The following DACH1 variants were observed in gnomAD, a reference collection of about 807,000 sequenced individuals.
DACH1 encodes dachshund homolog 1.
In DACH1, 12 loss-of-function variants were observed where a neutral mutation model predicts 54.2. That is an observed-to-expected ratio of 0.22 (90% CI 0.14 to 0.36). DACH1 has a LOEUF of 0.36. DACH1 is among the 10% of genes least tolerant of loss of function. DACH1 has a pLI of 1.00. For synonymous variants in DACH1, 386 were observed against 366.2 expected, an observed-to-expected ratio of 1.05 and a Z score of -0.62; for missense variants, 805 against 929.8, an observed-to-expected ratio of 0.87 and a Z score of 1.75.
At chr13:71,838,019 G>C (rs1326493597) in intron 1 of DACH1, among the ~76,000 whole-genome samples, 6 of 45,860 alleles carry the variant, frequency 1.3e-4, no homozygotes, top group African/African-American at 5.4e-4. Flanking sequence ...AGGGGGGAGG[G>C]GGGAGGGAAA....
At chr13:71,612,195 T>C (rs1037856588) in intron 3 of DACH1, among the ~76,000 whole-genome samples, 7 of 152,142 alleles carry the variant, frequency 4.6e-5, no homozygotes, top group African/African-American at 1.7e-4. Context: ...ACGCTGTATA[T>C]ATATTATGCT....
chr13:71,592,403 G>A (rs1471978278), intron 3 of DACH1, among the ~76,000 whole-genome samples: 30 of 149,018 alleles, frequency 2.0e-4, no homozygotes, highest in Non-Finnish European at 3.0e-5. Context: ...ATTGAGGTGG[G>A]AGGATCATTT....
chr13:71,773,660 TA>T (rs774658876), intron 1 of DACH1, among the ~76,000 whole-genome samples: 2 of 152,008 alleles, frequency 1.3e-5, no homozygotes, highest in Non-Finnish European at 2.9e-5. Flanking sequence ...GTTTCGACAA[TA>T]AAATCCCTTC....
chr13:71,514,323 T>C (rs1001214811), intron 6 of DACH1, among the ~76,000 whole-genome samples: 7 of 151,886 alleles, frequency 4.6e-5, no homozygotes, highest in African/African-American at 1.7e-4. Context: ...AATTCATTGC[T>C]ATAACATTTG....
intron 1 of DACH1, among the ~76,000 whole-genome samples, chr13:71,825,467 C>T (rs1052518884): frequency 6.6e-6 from 1 of 152,056 alleles, no homozygotes; most frequent in African/African-American, 2.4e-5. Context: ...TCACTTTCCA[C>T]CCCAATCCCT....
chr13:71,710,449 GTT>G (rs1204121483), intron 1 of DACH1, among the ~76,000 whole-genome samples: 3 of 113,480 alleles, frequency 2.6e-5, no homozygotes, highest in African/African-American at 6.8e-5. Context: ...AAATATGAGG[GTT>G]TTGTGTGTGT....
intron 1 of DACH1, chr13:71,704,427 T>G: frequency 5.2e-6 from 2 of 386,522 alleles, no homozygotes; most frequent in Admixed American, 3.0e-5. Flanking sequence ...GCAAGCTTCT[T>G]GCAAAGAGAA....
chr13:71,780,978 A>G (rs1015728916), intron 1 of DACH1, among the ~76,000 whole-genome samples: 9 of 152,184 alleles, frequency 5.9e-5, no homozygotes, highest in African/African-American at 2.2e-4. Context: ...TACAAAAAAT[A>G]AAAATAAATT....
chr13:71,840,857 G>A (rs555597318), intron 1 of DACH1, among the ~76,000 whole-genome samples: 1 of 152,216 alleles, frequency 6.6e-6, no homozygotes, highest in African/African-American at 2.4e-5. Context: ...TGATGTATGG[G>A]CTTGGATGAA....
intron 2 of DACH1, among the ~76,000 whole-genome samples, chr13:71,671,486 A>G (rs1880202358): frequency 6.6e-6 from 1 of 152,064 alleles, no homozygotes; most frequent in Non-Finnish European, 1.5e-5. Flanking sequence ...CTAGAAAGAC[A>G]CCATGTCATG....
rs576941033 is a variant in DACH1 at position 71,729,110 on chromosome 13, A to G, written c.849-47200T>C. The stretch of plus-strand genomic sequence containing the variant: ...CATCTAAGAGTGATGGACAATAGAG[A>G]GGAGAGCTTCACCTGGGGCACTTCA... On this transcript the variant is annotated intron_variant, in intron 1 of 10. Coordinates refer to ENST00000613252, the MANE Select transcript of DACH1 (RefSeq NM_080759.6). Among the ~76,000 whole-genome samples the G allele has an allele frequency of 8.2e-4, 124 of 152,018 alleles. 1 individual carries two copies. The highest frequency in any genetic ancestry group is 8.5e-4 in the Non-Finnish European group (58 of 67,892).
intron 6 of DACH1, among the ~76,000 whole-genome samples, chr13:71,546,806 A>G (rs1241745669): frequency 2.6e-5 from 4 of 152,036 alleles, no homozygotes; most frequent in Non-Finnish European, 4.4e-5. Context: ...AGCACTAAAA[A>G]CAATTGAATA....
At chr13:71,622,183 T>C (rs184814840) in intron 3 of DACH1, among the ~76,000 whole-genome samples, 3 of 152,168 alleles carry the variant, frequency 2.0e-5, no homozygotes, top group African/African-American at 4.8e-5. Context: ...ATACAAATGG[T>C]TTTGTATAAT....
At chr13:71,717,988 T>C (rs1358839131) in intron 1 of DACH1, among the ~76,000 whole-genome samples, 1 of 152,020 alleles carries the variant, frequency 6.6e-6, no homozygotes, top group Non-Finnish European at 1.5e-5. Flanking sequence ...ATTTGGTCTT[T>C]TGCTACCCAA....
intron 1 of DACH1, among the ~76,000 whole-genome samples, chr13:71,722,862 TG>T: frequency 6.6e-6 from 1 of 152,146 alleles, no homozygotes; most frequent in Non-Finnish European, 1.5e-5. Context: ...ACGATGGAGC[TG>T]GGGGTGTAGC....
intron 1 of DACH1, among the ~76,000 whole-genome samples, chr13:71,686,498 G>T (rs1045892553): frequency 6.6e-6 from 1 of 152,018 alleles, no homozygotes; most frequent in African/African-American, 2.4e-5. Context: ...AACTTTTCCA[G>T]GTCCATTTAT....
chr13:71,734,165 ACCC>A (rs536172933), intron 1 of DACH1, among the ~76,000 whole-genome samples: 2 of 114,388 alleles, frequency 1.7e-5, no homozygotes, highest in African/African-American at 3.4e-5. Flanking sequence ...ATATACGTAT[ACCC>A]CATATATATG....
At chr13:71,669,109 G>A (rs1302790292) in intron 2 of DACH1, among the ~76,000 whole-genome samples, 3 of 152,034 alleles carry the variant, frequency 2.0e-5, no homozygotes, top group Admixed American at 6.6e-5. Flanking sequence ...ACTCTGAATC[G>A]GATGGCATCT....
chr13:71,573,074 C>A, intron 3 of DACH1, 62 bp from the exon 4 acceptor site: 1 of 1,495,084 alleles, frequency 6.7e-7, no homozygotes, highest in South Asian at 1.3e-5. Flanking sequence ...AAAATTGAAA[C>A]AGTCAAAAGT....
Sources: gnomAD v4.1 joint callset for allele counts (sites outside exome capture counted in the v4.1 genomes callset) on GRCh38, gnomAD v4.1.1 for gene constraint, MANE v1.5 for transcripts, NCBI Gene and HGNC (gene_info 2026-07-23, HGNC 2026-07-21) for gene names.